Variants in PAPPA2 observed in about 807,000 individuals in gnomAD.
PAPPA2 encodes pappalysin 2, also known as pappalysin-2.
A neutral mutation model predicts 176.4 loss-of-function variants in PAPPA2; 86 were observed. That is an observed-to-expected ratio of 0.49 (90% CI 0.41 to 0.58). The LOEUF is 0.58. Among genes scored for constraint, PAPPA2 ranks in the 20% least tolerant of loss-of-function variants. The pLI is 0.00. For synonymous variants in PAPPA2, 809 were observed against 852.2 expected (o/e 0.95, Z 0.88); for missense variants, 2,073 against 2,256.9 (o/e 0.92, Z 1.65).
intron 3 of PAPPA2, among the ~76,000 whole-genome samples, chr1:176,596,155 A>G (rs1308070617): frequency 6.6e-6 from 1 of 152,220 alleles, no homozygotes; most frequent in Non-Finnish European, 1.5e-5. Context: ...GCCCCATTAA[A>G]TTCCATTCTT....
intron 1 of PAPPA2, among the ~76,000 whole-genome samples, chr1:176,522,149 T>C (rs1649248463): frequency 6.6e-6 from 1 of 152,234 alleles, no homozygotes; most frequent in Non-Finnish European, 1.5e-5. Context: ...ACACAGCATT[T>C]AAACATTCCT....
chr1:176,715,440 ACAGACC>A (rs1317991935), intron 12 of PAPPA2, among the ~76,000 whole-genome samples: 1 of 152,192 alleles, frequency 6.6e-6, no homozygotes, highest in Non-Finnish European at 1.5e-5. Context: ...AAATATCTCT[ACAGACC>A]CAATGTGGCT....
chr1:176,703,772 C>T (rs758198999), intron 9 of PAPPA2, among the ~76,000 whole-genome samples: 1 of 152,136 alleles, frequency 6.6e-6, no homozygotes, highest in Non-Finnish European at 1.5e-5. Flanking sequence ...TCCCAGCCCT[C>T]GATAATATGT....
At chr1:176,493,866 T>C (rs1647448363) in intron 1 of PAPPA2, among the ~76,000 whole-genome samples, 1 of 152,186 alleles carries the variant, frequency 6.6e-6, no homozygotes, top group Non-Finnish European at 1.5e-5. Flanking sequence ...GCAGGAAATA[T>C]GACTTTGAAT....
chr1:176,567,051 A>T (rs1652026639), intron 2 of PAPPA2, among the ~76,000 whole-genome samples: 1 of 152,154 alleles, frequency 6.6e-6, no homozygotes, highest in Non-Finnish European at 1.5e-5. Flanking sequence ...AGCTCACATC[A>T]TACACCCCCT....
At chr1:176,740,664 A>G (rs1050063147) in intron 14 of PAPPA2, among the ~76,000 whole-genome samples, 2 of 152,228 alleles carry the variant, frequency 1.3e-5, no homozygotes, top group Non-Finnish European at 2.9e-5. Context: ...TGCATTAGCT[A>G]CATATGTCTT....
chr1:176,626,974 C>T (rs1424747857), intron 3 of PAPPA2, among the ~76,000 whole-genome samples: 7 of 150,620 alleles, frequency 4.6e-5, no homozygotes, highest in South Asian at 2.1e-4. Flanking sequence ...CCTCCCACCT[C>T]GGCCTCTTAA....
chr1:176,495,753 G>A (rs1381822467), intron 1 of PAPPA2, among the ~76,000 whole-genome samples: 2 of 151,554 alleles, frequency 1.3e-5, no homozygotes, highest in African/African-American at 4.8e-5. Context: ...GAGAAAGACA[G>A]AAATATCTTA....
At chr1:176,803,404 A>T (rs565899102) in intron 21 of PAPPA2, among the ~76,000 whole-genome samples, 1 of 152,224 alleles carries the variant, frequency 6.6e-6, no homozygotes, top group African/African-American at 2.4e-5. Context: ...CTGCTGGTGT[A>T]GCCCCAATGT....
At chr1:176,594,216 G>A (rs73044599) in intron 2 of PAPPA2, among the ~76,000 whole-genome samples, 1 of 152,354 alleles carries the variant, frequency 6.6e-6, no homozygotes, top group African/African-American at 2.4e-5. Context: ...ATTCGTGATG[G>A]AGTGCTAGAG....
At chr1:176,632,647 A>T (rs1208510028) in intron 3 of PAPPA2, among the ~76,000 whole-genome samples, 1 of 152,232 alleles carries the variant, frequency 6.6e-6, no homozygotes, top group East Asian at 1.9e-4. Context: ...CTTAATAAGT[A>T]AGTTTAAGAA....
At chr1:176,473,682 T>A (rs562872409) in intron 1 of PAPPA2, among the ~76,000 whole-genome samples, 1 of 152,324 alleles carries the variant, frequency 6.6e-6, no homozygotes, top group Admixed American at 6.5e-5. Context: ...CTCCTCATCC[T>A]CACCAGCATT....
At chr1:176,725,535 G>T (rs76152577) in intron 12 of PAPPA2, among the ~76,000 whole-genome samples, 94 of 152,290 alleles carry the variant, frequency 6.2e-4, no homozygotes, top group African/African-American at 2.2e-3. Context: ...ACAAAAATAT[G>T]ATAGAAGACA....
At chr1:176,720,847 C>T (rs1214241849) in intron 12 of PAPPA2, among the ~76,000 whole-genome samples, 4 of 152,102 alleles carry the variant, frequency 2.6e-5, no homozygotes, top group Non-Finnish European at 4.4e-5. Flanking sequence ...CTCAGGAGCC[C>T]CCAAGAAGCT....
chr1:176,569,735 A>T (rs1474674950), intron 2 of PAPPA2, among the ~76,000 whole-genome samples: 1 of 152,204 alleles, frequency 6.6e-6, no homozygotes, highest in Non-Finnish European at 1.5e-5. Flanking sequence ...GTGCTTTGTG[A>T]GTTAATAACA....
chr1:176,723,580 A>G (rs1236670002), intron 12 of PAPPA2, among the ~76,000 whole-genome samples: 2 of 152,096 alleles, frequency 1.3e-5, no homozygotes, highest in African/African-American at 4.8e-5. Flanking sequence ...TATGATTAGT[A>G]TGCAGTAATT....
intron 17 of PAPPA2, among the ~76,000 whole-genome samples, chr1:176,779,499 CACACACACACACACACACACAG>C (rs1376343307): frequency 2.7e-5 from 4 of 148,320 alleles, no homozygotes; most frequent in Non-Finnish European, 4.5e-5. Flanking sequence ...CACACACACA[CACACACACACACACACACACAG>C]AGAGAGAGAG....
chr1:176,479,110 AT>A (rs1652267740), intron 1 of PAPPA2, among the ~76,000 whole-genome samples: 1 of 152,354 alleles, frequency 6.6e-6, no homozygotes, highest in African/African-American at 2.4e-5. Flanking sequence ...TCATTTAATG[AT>A]CACAGCAACC....
At chr1:176,724,420 A>G (rs1661766612) in intron 12 of PAPPA2, among the ~76,000 whole-genome samples, 1 of 152,216 alleles carries the variant, frequency 6.6e-6, no homozygotes, top group Non-Finnish European at 1.5e-5. Context: ...GCAGATACTC[A>G]ATAAGTACTT....
Sources: allele counts gnomAD v4.1 joint callset (sites outside exome capture counted in the v4.1 genomes callset), GRCh38; gene constraint gnomAD v4.1.1; transcripts MANE v1.5; gene names NCBI Gene and HGNC (gene_info 2026-07-23, HGNC 2026-07-21).